Variants in PRELID2 observed in about 807,000 individuals in gnomAD.
The protein encoded by PRELID2 is PRELI domain containing 2.
A neutral mutation model predicts 28.4 loss-of-function variants in PRELID2; 25 were observed. The ratio of observed to expected loss-of-function variants is 0.88; its 90% CI spans 0.64 to 1.23. PRELID2 has a LOEUF of 1.23. Among genes scored for constraint, PRELID2 ranks in the 50% most tolerant of loss-of-function variants. The pLI, the probability that PRELID2 is intolerant of heterozygous loss-of-function variation, is 0.00. For synonymous variants in PRELID2, 76 were observed against 71.6 expected (o/e 1.06, Z -0.31); for missense variants, 201 against 214.4 (o/e 0.94, Z 0.39).
the PRELID2 span, among the ~76,000 whole-genome samples, chr5:145,394,760 A>G: frequency 6.6e-6 from 1 of 152,148 alleles, no homozygotes; most frequent in African/African-American, 2.4e-5. Context: ...GGAGTGGCAG[A>G]AAAGTGTGGT....
downstream of PRELID2, among the ~76,000 whole-genome samples, chr5:145,755,373 T>C (rs2149755167): frequency 6.6e-6 from 1 of 152,340 alleles, no homozygotes; most frequent in South Asian, 2.1e-4. Context: ...ATAATGCTCC[T>C]GCTCATTCCT....
At chr5:145,342,742 G>T in the PRELID2 span, among the ~76,000 whole-genome samples, 1 of 149,464 alleles carries the variant, frequency 6.7e-6, no homozygotes, top group Non-Finnish European at 1.5e-5. Context: ...CTATGTCCTT[G>T]TACTGATATA....
At chr5:145,286,336 C>A in the PRELID2 span, among the ~76,000 whole-genome samples, 1 of 152,188 alleles carries the variant, frequency 6.6e-6, no homozygotes, top group Non-Finnish European at 1.5e-5. Flanking sequence ...TTGCCATATT[C>A]ATGGCAGTCG....
At chr5:145,647,330 C>T (rs116041479) in intron 1 of PRELID2, among the ~76,000 whole-genome samples, 12,891 of 152,106 alleles carry the variant, frequency 0.085, 773 homozygotes, top group Admixed American at 0.19. Flanking sequence ...AGAGTAAAAC[C>T]GCCTACTCAA....
At chr5:145,230,437 G>A in the PRELID2 span, among the ~76,000 whole-genome samples, 1 of 152,042 alleles carries the variant, frequency 6.6e-6, no homozygotes, top group South Asian at 2.1e-4. Context: ...AAATTAGCTG[G>A]GTATGGTGGT....
At chr5:145,400,653 G>A in the PRELID2 span, among the ~76,000 whole-genome samples, 65 of 152,174 alleles carry the variant, frequency 4.3e-4, 1 homozygote, top group South Asian at 2.9e-3. Flanking sequence ...TCTCCTCAGC[G>A]CACACATTTG....
At chr5:145,415,719 T>A in the PRELID2 span, among the ~76,000 whole-genome samples, 183 of 151,944 alleles carry the variant, frequency 1.2e-3, 1 homozygote, top group African/African-American at 4.1e-3. Flanking sequence ...TTTGCTATTG[T>A]GAATAGTGCC....
intron 1 of PRELID2, among the ~76,000 whole-genome samples, chr5:145,561,721 A>G (rs971120511): frequency 1.3e-5 from 2 of 152,226 alleles, no homozygotes; most frequent in Non-Finnish European, 2.9e-5. Context: ...TCACTGTCAC[A>G]TAGCCTCTCA....
Position 145,746,757 on chromosome 5 carries a change from T to C in PRELID2, n.70+18174A>G, listed in dbSNP as rs141458455. On this transcript the variant is annotated intron_variant and non_coding_transcript_variant, in intron 1 of 2. Coordinates refer to the PRELID2 transcript ENST00000510259. Reference sequence around the variant, plus strand: ...TTTTCTTACTGCCACATGGCACTTATTCTAAAATAGATCACATAATTGGAA... The same window carrying C: ...TTTTCTTACTGCCACATGGCACTTACTCTAAAATAGATCACATAATTGGAA... Among the ~76,000 whole-genome samples, 828 of 152,316 alleles carry C rather than the reference T, an allele frequency of 5.4e-3. 7 individuals are homozygous for C. The highest frequency in any genetic ancestry group is 8.5e-3 in the Non-Finnish European group (579 of 68,018).
chr5:145,402,651 C>T, the PRELID2 span, among the ~76,000 whole-genome samples: 1 of 152,112 alleles, frequency 6.6e-6, no homozygotes. Flanking sequence ...CTTATCTTCA[C>T]AATAGATATA....
At chr5:145,655,489 A>G (rs972504938) in intron 1 of PRELID2, among the ~76,000 whole-genome samples, 2 of 152,208 alleles carry the variant, frequency 1.3e-5, no homozygotes, top group African/African-American at 4.8e-5. Context: ...ATGCTACCTG[A>G]CTTCAAACTA....
the PRELID2 span, among the ~76,000 whole-genome samples, chr5:145,350,978 T>G: frequency 1.3e-5 from 2 of 152,156 alleles, no homozygotes; most frequent in African/African-American, 4.8e-5. Context: ...TATTGAGCAC[T>G]TGATATAAGC....
intron 4 of PRELID2, among the ~76,000 whole-genome samples, chr5:145,816,670 A>G (rs532312506): frequency 1.3e-5 from 2 of 152,276 alleles, no homozygotes; most frequent in Admixed American, 6.5e-5. Context: ...TCTCAGCACC[A>G]TTTGTTGAAA....
the PRELID2 span, among the ~76,000 whole-genome samples, chr5:145,281,328 A>C: frequency 2.0e-5 from 3 of 152,190 alleles, no homozygotes; most frequent in Non-Finnish European, 4.4e-5. Flanking sequence ...AAACCCATGT[A>C]ATCTATAAAT....
At chr5:145,649,431 G>C (rs1480369760) in intron 1 of PRELID2, among the ~76,000 whole-genome samples, 1 of 152,286 alleles carries the variant, frequency 6.6e-6, no homozygotes, top group South Asian at 2.1e-4. Context: ...AATGTTAAGT[G>C]TTCTAAACAC....
intron 5 of PRELID2, among the ~76,000 whole-genome samples, chr5:145,766,289 G>A (rs1414706664): frequency 6.6e-6 from 1 of 152,036 alleles, no homozygotes; most frequent in Non-Finnish European, 1.5e-5. Context: ...CCCCTCCCAG[G>A]AAAATTCTGA....
chr5:145,487,630 T>G (rs972918457), intron 1 of PRELID2, among the ~76,000 whole-genome samples: 1 of 152,120 alleles, frequency 6.6e-6, no homozygotes, highest in Non-Finnish European at 1.5e-5. Context: ...ATCTTCTAAT[T>G]TCCCTTCACA....
the PRELID2 span, among the ~76,000 whole-genome samples, chr5:145,319,725 A>AAATC: frequency 5.5e-3 from 824 of 149,170 alleles, 9 homozygotes; most frequent in Non-Finnish European, 9.4e-3. Flanking sequence ...ATAAATAAAT[A>AAATC]AATAATTTTT....
At chr5:145,535,693 G>A (rs1752692546) in intron 1 of PRELID2, among the ~76,000 whole-genome samples, 1 of 151,788 alleles carries the variant, frequency 6.6e-6, no homozygotes, top group Non-Finnish European at 1.5e-5. Context: ...TCCCGTTTTG[G>A]CTCCAACTTT....
Sources: gnomAD v4.1 joint callset for allele counts (sites outside exome capture counted in the v4.1 genomes callset) on GRCh38, gnomAD v4.1.1 for gene constraint, MANE v1.5 for transcripts, NCBI Gene and HGNC (gene_info 2026-07-23, HGNC 2026-07-21) for gene names.